SEMA5B: variants seen among roughly 807,000 people sequenced by gnomAD.
The protein encoded by SEMA5B is semaphorin-5B.
A neutral mutation model predicts 135.0 loss-of-function variants in SEMA5B; 66 were observed. That is an observed-to-expected ratio of 0.49 (90% CI 0.40 to 0.60). The LOEUF (loss-of-function observed/expected upper bound fraction) is 0.60, where lower values mean the gene tolerates loss of function less well. SEMA5B is among the 20% of genes least tolerant of loss of function. SEMA5B has a pLI of 0.00. For synonymous variants in SEMA5B, 690 were observed against 639.5 expected (o/e 1.08, Z -1.19); for missense variants, 1,501 against 1,566.3 (o/e 0.96, Z 0.70).
rs769752661 is a variant in SEMA5B at position 122,913,566 on chromosome 3, C to G, written c.2248G>C (p.Glu750Gln). Residue 750 changes from glutamate to glutamine, a missense_variant, in exon 16 of 23, where the codon GAG becomes CAG. Glu to Gln is a conservative substitution (Grantham distance 29). Coordinates refer to ENST00000357599, the MANE Select transcript of SEMA5B (RefSeq NM_001031702.4). ...GGMQSRRRAC[E>Q]NGNSCLGCGV... Reference sequence around the variant, plus strand: ...CAGCCCAGGCAGGAGTTGCCGTTCTCGCAGGCCCGACGCCGCGACTGCATG... The same window carrying G: ...CAGCCCAGGCAGGAGTTGCCGTTCTGGCAGGCCCGACGCCGCGACTGCATG... 6.2e-7 allele frequency: 1 copy of G among 1,612,824 alleles called. No homozygotes were observed. Among genetic ancestry groups the G allele is most frequent in the South Asian group, 1.1e-5 (1 of 90,986 alleles).
At chr3:122,942,268 A>T (rs1376576513) in intron 4 of SEMA5B, among the ~76,000 whole-genome samples, 1 of 152,202 alleles carries the variant, frequency 6.6e-6, no homozygotes, top group Non-Finnish European at 1.5e-5. Context: ...CCCCCAGGAC[A>T]GGAACCCAGC....
Position 122,912,055 on chromosome 3 carries a change from A to G in SEMA5B, c.2911T>C (p.Trp971Arg). The G allele has an allele frequency of 6.2e-7, 1 of 1,612,296 alleles. No individual in the cohort carries two copies. The highest frequency in any genetic ancestry group is 8.5e-7 in the Non-Finnish European group (1 of 1,178,644). Residue 971 changes from tryptophan to arginine, a missense_variant, in exon 20 of 23, where the codon TGG (tryptophan) becomes CGG (arginine). Around this residue, in one of 2 missense-constraint regions of SEMA5B, gnomAD observed 927 missense variants for 881.6 expected, o/e 1.05. Coordinates refer to ENST00000357599, the MANE Select transcript of SEMA5B (RefSeq NM_001031702.4). The stretch of plus-strand genomic sequence containing the variant: ...TCAGTGCACTTACTCCACTCAGACC[A>G]GGGCGACCAGCCTTCTGGGGATTGT... ...TQACPEGWSP[W>R]SEWSKCTDDG...
intron 1 of SEMA5B, among the ~76,000 whole-genome samples, chr3:122,974,474 C>T (rs936361864): frequency 6.6e-6 from 1 of 152,232 alleles, no homozygotes; most frequent in African/African-American, 2.4e-5. Flanking sequence ...CTCACTGCTG[C>T]CCCAGCCCTG....
At chr3:123,007,254 T>C (rs941019525) in intron 1 of SEMA5B, among the ~76,000 whole-genome samples, 1 of 152,062 alleles carries the variant, frequency 6.6e-6, no homozygotes, top group Non-Finnish European at 1.5e-5. Context: ...GGACAAGGGC[T>C]CACTAGATAG....
At chr3:123,022,769 G>A (rs1253066869) in intron 1 of SEMA5B, among the ~76,000 whole-genome samples, 2 of 152,210 alleles carry the variant, frequency 1.3e-5, no homozygotes, top group Admixed American at 6.5e-5. Flanking sequence ...CAAGGTTTGG[G>A]TTTCATCTCT....
intron 1 of SEMA5B, among the ~76,000 whole-genome samples, chr3:122,966,142 GC>G (rs1403267945): frequency 6.6e-6 from 1 of 151,986 alleles, no homozygotes; most frequent in East Asian, 1.9e-4. Context: ...TTCCCATGAT[GC>G]CCCCCACACT....
intron 4 of SEMA5B, among the ~76,000 whole-genome samples, chr3:122,943,008 C>T (rs1459501972): frequency 2.6e-5 from 4 of 152,208 alleles, no homozygotes; most frequent in South Asian, 2.1e-4. Context: ...TGAGGTCCTT[C>T]GGGAAAGGTT....
upstream of SEMA5B, among the ~76,000 whole-genome samples, chr3:123,028,092 C>G (rs1007292548): frequency 1.3e-5 from 2 of 152,204 alleles, no homozygotes; most frequent in African/African-American, 4.8e-5. Flanking sequence ...CCTTGCCGTT[C>G]TCGGTCACCC....
At chr3:122,962,326 G>A (rs533944564) in intron 1 of SEMA5B, among the ~76,000 whole-genome samples, 10 of 152,304 alleles carry the variant, frequency 6.6e-5, no homozygotes, top group South Asian at 6.2e-4. Context: ...AATGGATCCC[G>A]GCCAGTCATG....
chr3:122,930,761 C>T (rs2107663839), intron 5 of SEMA5B, among the ~76,000 whole-genome samples: 1 of 152,336 alleles, frequency 6.6e-6, no homozygotes, highest in African/African-American at 2.4e-5. Flanking sequence ...TTGATCCTCA[C>T]AGAAAACAGT....
Position 122,928,597 on chromosome 3 carries a change from C to T in SEMA5B, c.556G>A (p.Val186Met), listed in dbSNP as rs577895672. The change falls in exon 7 of 23, where the codon GTG becomes ATG. Residue 186 changes from valine (V) to methionine (M), a missense_variant. This residue lies in a region of SEMA5B where 574 missense variants were observed against 684.7 expected (regional missense o/e 0.84). Transcript: ENST00000357599. Reference protein sequence around the residue: ...GKTEEECQNYVRVLIVAGRKV... With the variant: ...GKTEEECQNYMRVLIVAGRKV... Reference sequence around the variant, plus strand: ...CGGCCGGCGACGATCAGGACTCGCACGTAGTTCTGACACTCCTCCTGAGGC... The same window carrying T: ...CGGCCGGCGACGATCAGGACTCGCATGTAGTTCTGACACTCCTCCTGAGGC... The T allele has an allele frequency of 1.5e-5, 23 of 1,557,688 alleles. No individual in the cohort carries two copies. The highest frequency in any genetic ancestry group is 1.7e-4 in the Middle Eastern group (1 of 5,822).
intron 4 of SEMA5B, among the ~76,000 whole-genome samples, chr3:122,941,998 G>T (rs902823170): frequency 6.6e-6 from 1 of 152,186 alleles, no homozygotes; most frequent in Non-Finnish European, 1.5e-5. Flanking sequence ...CCCTCTGGGG[G>T]CACAGTCAGG....
At chr3:123,000,140 G>A (rs1168692724) in intron 1 of SEMA5B, among the ~76,000 whole-genome samples, 4 of 152,172 alleles carry the variant, frequency 2.6e-5, no homozygotes, top group African/African-American at 4.8e-5. Context: ...CCCAGGAGGC[G>A]GAGGTTGCAG....
At chr3:122,933,563 C>A (rs1478575927) in intron 5 of SEMA5B, among the ~76,000 whole-genome samples, 1 of 152,136 alleles carries the variant, frequency 6.6e-6, no homozygotes, top group Non-Finnish European at 1.5e-5. Context: ...ACTCAGTCAA[C>A]CTTTTAGCAT....
At chr3:122,951,608 A>G (rs1309511440) in intron 2 of SEMA5B, among the ~76,000 whole-genome samples, 1 of 152,222 alleles carries the variant, frequency 6.6e-6, no homozygotes, top group East Asian at 1.9e-4. Flanking sequence ...TCTCTAACCC[A>G]GAGTGACCTC....
At chr3:122,929,989 T>C (rs552679186) in intron 5 of SEMA5B, among the ~76,000 whole-genome samples, 1 of 152,286 alleles carries the variant, frequency 6.6e-6, no homozygotes, top group East Asian at 1.9e-4. Flanking sequence ...GCTCATTATA[T>C]ATTTCTGGGT....
chr3:122,967,170 C>A (rs1940891647), intron 1 of SEMA5B, among the ~76,000 whole-genome samples: 2 of 152,106 alleles, frequency 1.3e-5, no homozygotes, highest in South Asian at 2.1e-4. Context: ...CAGGCGTGAG[C>A]CACTGTGCCC....
At chr3:122,929,423 G>A (rs1051952010) in intron 5 of SEMA5B, among the ~76,000 whole-genome samples, 2 of 152,244 alleles carry the variant, frequency 1.3e-5, no homozygotes, top group African/African-American at 4.8e-5. Context: ...GGCCCTGGGT[G>A]GGGAATGCGC....
chr3:122,968,576 G>C (rs953945099), intron 1 of SEMA5B, among the ~76,000 whole-genome samples: 2 of 152,128 alleles, frequency 1.3e-5, no homozygotes, highest in African/African-American at 4.8e-5. Context: ...AACACTACTG[G>C]AAATACATTT....
Sources: allele counts gnomAD v4.1 joint callset (sites outside exome capture counted in the v4.1 genomes callset), GRCh38; gene constraint gnomAD v4.1.1; regional missense constraint gnomAD v4.1.1; transcripts MANE v1.5; gene names NCBI Gene and HGNC (gene_info 2026-07-23, HGNC 2026-07-21).